PTPRQ: variants seen among roughly 807,000 people sequenced by gnomAD.
PTPRQ encodes phosphatidylinositol phosphatase PTPRQ.
In PTPRQ, 199 loss-of-function variants were observed where a neutral mutation model predicts 246.0. The observed-to-expected ratio is 0.81, with a 90% CI of 0.72 to 0.91. The LOEUF (loss-of-function observed/expected upper bound fraction) is 0.91, where lower values mean the gene tolerates loss of function less well. Ranked by LOEUF, PTPRQ falls within the 40% of genes least tolerant of loss-of-function variation. The pLI, the probability that PTPRQ is intolerant of heterozygous loss-of-function variation, is 0.00. For missense variants in PTPRQ, 2,624 were observed against 2,528.4 expected (o/e 1.04, Z -0.81); for synonymous variants, 869 against 853.2 (o/e 1.02, Z -0.32).
At chr12:80,592,911 T>C (rs1897848598) in intron 26 of PTPRQ, among the ~76,000 whole-genome samples, 1 of 152,086 alleles carries the variant, frequency 6.6e-6, no homozygotes, top group African/African-American at 2.4e-5. Context: ...CTTGGGAGGC[T>C]GAGGGAGGAG....
intron 32 of PTPRQ, among the ~76,000 whole-genome samples, chr12:80,621,412 G>A (rs944087090): frequency 2.6e-5 from 4 of 151,800 alleles, no homozygotes; most frequent in Non-Finnish European, 4.4e-5. Flanking sequence ...GTATTGCAAC[G>A]TATTGGTTTT....
At chr12:80,668,970 A>G (rs1290165476) in intron 39 of PTPRQ, 37 bp from the exon 40 acceptor site, 2 of 1,519,464 alleles carry the variant, frequency 1.3e-6, no homozygotes, top group South Asian at 1.3e-5. Context: ...GTATCTGTGA[A>G]CACAGTGATG....
intron 26 of PTPRQ, 150 bp from the exon 27 acceptor site, chr12:80,604,909 T>C (rs1488728559): frequency 1.4e-6 from 1 of 726,332 alleles, no homozygotes; most frequent in Non-Finnish European, 1.9e-6. Flanking sequence ...TTTTATTTGG[T>C]AATGCCTTTA....
At chr12:80,627,985 C>T (rs1483663272) in intron 33 of PTPRQ, among the ~76,000 whole-genome samples, 3 of 152,004 alleles carry the variant, frequency 2.0e-5, no homozygotes, top group Non-Finnish European at 4.4e-5. Context: ...GTCATTTCCT[C>T]ATTTGGCCAG....
At chr12:80,459,090 A>G in intron 4 of PTPRQ, among the ~76,000 whole-genome samples, 194 bp from the exon 5 acceptor site, 1 of 152,120 alleles carries the variant, frequency 6.6e-6, no homozygotes, top group Non-Finnish European at 1.5e-5. Context: ...AGTTATCCTA[A>G]AGTAAAGTTG....
intron 43 of PTPRQ, among the ~76,000 whole-genome samples, chr12:80,674,345 A>G (rs1901067352): frequency 6.6e-6 from 1 of 152,180 alleles, no homozygotes; most frequent in Non-Finnish European, 1.5e-5. Context: ...ACTGATTTTT[A>G]AAGACATAAA....
In PTPRQ at chr12:80,670,784, G is replaced by T. The variant is rs544933975; in HGVS notation, c.6602+292G>T. Among the ~76,000 whole-genome samples the T allele has an allele frequency of 3.3e-5, 5 of 152,116 alleles. No individual in the cohort carries two copies. In the South Asian group the frequency reaches 1.0e-3, roughly 31 times the overall value. ...CAGAATAGGTAAATAAATAGAAACA[G>T]AAAGTAGAGTTGTGGTTATTAGTGA... On this transcript the variant is annotated intron_variant, in intron 42 of 44. Transcript: ENST00000644991.
chr12:80,493,272 C>T lies in PTPRQ; in HGVS notation c.1360-3C>T. The T allele has an allele frequency of 1.4e-6, 2 of 1,456,720 alleles. No individual in the cohort carries two copies. Among genetic ancestry groups the T allele is most frequent in the South Asian group, 1.5e-5 (1 of 66,110 alleles). 90.2% of individuals were successfully genotyped at this position (1,456,720 alleles called of 1,614,324 possible). ...CTTTTAAAATATCTACTTTTAATTACAGTATATAAATGACCCCATGGCTCC... is the reference window on the plus strand; with the variant it reads ...CTTTTAAAATATCTACTTTTAATTATAGTATATAAATGACCCCATGGCTCC... On this transcript the variant is annotated splice_polypyrimidine_tract_variant and splice_region_variant and intron_variant, in intron 9 of 44. Transcript: ENST00000644991.
intron 38 of PTPRQ, among the ~76,000 whole-genome samples, chr12:80,654,999 G>T (rs1839585941): frequency 6.6e-6 from 1 of 152,054 alleles, no homozygotes; most frequent in South Asian, 2.1e-4. Flanking sequence ...TTTGCTGTGT[G>T]ACTTTTCAAT....
intron 26 of PTPRQ, among the ~76,000 whole-genome samples, chr12:80,601,743 A>G (rs1432966302): frequency 1.3e-5 from 2 of 151,724 alleles, no homozygotes; most frequent in Non-Finnish European, 2.9e-5. Flanking sequence ...AAGAGAGGCC[A>G]TTGAAACCCA....
chr12:80,572,122 C>G (rs1035299486), intron 25 of PTPRQ, among the ~76,000 whole-genome samples: 3 of 152,044 alleles, frequency 2.0e-5, no homozygotes, highest in Non-Finnish European at 4.4e-5. Flanking sequence ...TACATCTATA[C>G]ATGGGGAGAA....
At position 80,678,697 on chromosome 12, in the gene PTPRQ, G is replaced by A; in HGVS notation, c.6834G>A (p.Gln2278=). The A allele has an allele frequency of 6.5e-7, 1 of 1,550,006 alleles. No individual in the cohort carries two copies. Among genetic ancestry groups the A allele is most frequent in the Non-Finnish European group, 8.7e-7 (1 of 1,146,030 alleles). Residue 2278 remains glutamine, a synonymous_variant, in exon 44 of 45, where the codon CAG becomes CAA. Coordinates refer to ENST00000644991, the MANE Select transcript of PTPRQ (RefSeq NM_001145026.2). ...GTTTTGTTAACTATTCAGCACTTCA[G>A]AAGATGGACTCTTTGGACGCCATGG... is the stretch of plus-strand genomic sequence containing the variant. ...PICFVNYSAL[Q]KMDSLDAMEG... is the part of the protein sequence containing the mutation.
At chr12:80,619,605 G>A (rs1264367755) in intron 31 of PTPRQ, 63 bp downstream of exon 31, 18 of 1,305,712 alleles carry the variant, frequency 1.4e-5, no homozygotes, top group Non-Finnish European at 1.8e-5. Context: ...GTGCTAAAAA[G>A]AATTTAGTTC....
intron 26 of PTPRQ, among the ~76,000 whole-genome samples, chr12:80,594,905 C>A (rs551143296): frequency 1.4e-4 from 21 of 152,220 alleles, no homozygotes; most frequent in African/African-American, 4.8e-4. Context: ...TTTCAATACA[C>A]CTGCCTGACC....
intron 27 of PTPRQ, among the ~76,000 whole-genome samples, chr12:80,607,946 C>T (rs1474567736): frequency 2.0e-5 from 3 of 150,762 alleles, no homozygotes; most frequent in Non-Finnish European, 4.5e-5. Flanking sequence ...TAGTGGTACA[C>T]ACTGGAATAG....
intron 35 of PTPRQ, among the ~76,000 whole-genome samples, chr12:80,641,360 C>T (rs1242912962): frequency 6.6e-6 from 1 of 152,154 alleles, no homozygotes; most frequent in East Asian, 1.9e-4. Context: ...AATAAAAAGG[C>T]ATTTGATTTC....
intron 3 of PTPRQ, among the ~76,000 whole-genome samples, chr12:80,448,664 G>T (rs996669931): frequency 6.7e-6 from 1 of 149,692 alleles, no homozygotes; most frequent in African/African-American, 2.5e-5. Context: ...TGAGAATGAT[G>T]ATTTCCAATT....
chr12:80,666,960 A>G (rs1030694383), intron 39 of PTPRQ, among the ~76,000 whole-genome samples: 3 of 151,960 alleles, frequency 2.0e-5, no homozygotes, highest in Admixed American at 6.6e-5. Context: ...TTAAACTCCC[A>G]TAGGTTGGTC....
intron 35 of PTPRQ, among the ~76,000 whole-genome samples, chr12:80,644,469 G>GT (rs374443217): frequency 0.018 from 2,786 of 151,144 alleles, 73 homozygotes; most frequent in African/African-American, 0.064. Context: ...CCATTTAACA[G>GT]TTTTTTTTTA....
Sources: allele counts gnomAD v4.1 joint callset (sites outside exome capture counted in the v4.1 genomes callset), GRCh38; gene constraint gnomAD v4.1.1; transcripts MANE v1.5; gene names NCBI Gene and HGNC (gene_info 2026-07-23, HGNC 2026-07-21).